The following ARL14EPL variants were observed in gnomAD, a reference collection of about 807,000 sequenced individuals.
The protein encoded by ARL14EPL is ARL14 effector protein-like.
ARL14EPL carries 17 observed loss-of-function variants against 15.9 expected under a neutral mutation model. The observed-to-expected ratio is 1.07, with a 90% confidence interval of 0.73 to 1.60. ARL14EPL has a LOEUF of 1.60. ARL14EPL is among the 40% of genes most tolerant of loss of function. The pLI is 0.00. For missense variants in ARL14EPL, 214 were observed against 185.9 expected, an observed-to-expected ratio of 1.15 and a Z score of -0.88; for synonymous variants, 78 against 63.8, an observed-to-expected ratio of 1.22 and a Z score of -1.06.
At chr5:116,037,483 C>G (rs77471947) in intron 1 of ARL14EPL, among the ~76,000 whole-genome samples, 1 of 152,106 alleles carries the variant, frequency 6.6e-6, no homozygotes, top group Non-Finnish European at 1.5e-5. Flanking sequence ...CTAGTGGAGA[C>G]GAAGATTCTG....
intron 1 of ARL14EPL, among the ~76,000 whole-genome samples, chr5:116,043,559 G>A (rs1357044953): frequency 6.6e-6 from 1 of 152,044 alleles, no homozygotes; most frequent in Non-Finnish European, 1.5e-5. Flanking sequence ...AAGTTCTCCT[G>A]AAGTTTTATT....
chr5:116,051,700 A>T (rs1359873445), intron 2 of ARL14EPL, 139 bp downstream of exon 2: 1 of 778,028 alleles, frequency 1.3e-6, no homozygotes. Context: ...AGGCTGATAG[A>T]GCTTTCCCTC....
At chr5:116,042,063 G>T (rs1749170567) in intron 1 of ARL14EPL, among the ~76,000 whole-genome samples, 1 of 152,012 alleles carries the variant, frequency 6.6e-6, no homozygotes, top group Non-Finnish European at 1.5e-5. Flanking sequence ...ATGTCTGGGT[G>T]CAGGCAATCC....
In ARL14EPL at chr5:116,058,923, G is replaced by T. The variant is rs370426377; in HGVS notation, c.435G>T (p.Thr145=). The part of the protein sequence containing the change: ...IVTESGEVIS[T]LPFNVPD Reference sequence around the variant, plus strand: ...CTGAGTCAGGAGAGGTCATCAGCACGCTGCCGTTTAATGTTCCTGACTAGG... The same window carrying T: ...CTGAGTCAGGAGAGGTCATCAGCACTCTGCCGTTTAATGTTCCTGACTAGG... Residue 145 remains threonine (T), a synonymous_variant, in exon 4 of 4, where the codon ACG becomes ACT. Coordinates refer to ENST00000686077, the MANE Select transcript of ARL14EPL (RefSeq NM_001195581.2). 2.0e-6 allele frequency: 3 copies of T among 1,536,014 alleles called. No individual in the cohort carries two copies. In the East Asian group the frequency reaches 7.3e-5, roughly 38 times the overall value.
At chr5:116,048,503 C>T (rs1391264189) in intron 1 of ARL14EPL, among the ~76,000 whole-genome samples, 3 of 151,904 alleles carry the variant, frequency 2.0e-5, no homozygotes, top group Non-Finnish European at 4.4e-5. Context: ...TAAAATAAAA[C>T]CTGTAAGCTG....
At chr5:116,049,563 G>A (rs1749331992) in intron 1 of ARL14EPL, among the ~76,000 whole-genome samples, 1 of 152,180 alleles carries the variant, frequency 6.6e-6, no homozygotes, top group Non-Finnish European at 1.5e-5. Context: ...ATGATACTGA[G>A]GTTTGGATTA....
intron 1 of ARL14EPL, among the ~76,000 whole-genome samples, chr5:116,032,964 AT>A (rs570990503): frequency 2.6e-5 from 4 of 151,834 alleles, no homozygotes; most frequent in African/African-American, 9.7e-5. Flanking sequence ...TGCCTGGACA[AT>A]TTTTTGTATT....
At chr5:116,052,618 A>G (rs546640565) in intron 2 of ARL14EPL, among the ~76,000 whole-genome samples, 1 of 152,348 alleles carries the variant, frequency 6.6e-6, no homozygotes, top group South Asian at 2.1e-4. Context: ...ATCGCTTCGT[A>G]CTAAGTTGTA....
intron 3 of ARL14EPL, 96 bp downstream of exon 3, chr5:116,054,249 A>G: frequency 7.8e-7 from 1 of 1,280,976 alleles, no homozygotes; most frequent in Non-Finnish European, 1.0e-6. Context: ...TTTATTATTT[A>G]TTATTTAAAA....
chr5:116,034,098 A>T (rs1749006793), intron 1 of ARL14EPL, among the ~76,000 whole-genome samples: 3 of 152,198 alleles, frequency 2.0e-5, no homozygotes, highest in Admixed American at 2.0e-4. Flanking sequence ...ACATCAGAGG[A>T]TTAAAGGGGC....
Position 116,058,854 on chromosome 5 carries a change from C to G in ARL14EPL, c.366C>G (p.Pro122=). The stretch of plus-strand genomic sequence containing the variant: ...AGTGTAACTCCAACAAGTGTGGGCC[C>G]GAGTGCCGCTGCAACCGACGGTGGG... ...CPKCNSNKCG[P]ECRCNRRWVY... Residue 122 remains proline (P), a synonymous_variant, in exon 4 of 4, where the codon CCC becomes CCG. Transcript: ENST00000686077. The G allele has an allele frequency of 6.5e-7, 1 of 1,536,018 alleles. No homozygotes were observed. Among genetic ancestry groups the G allele is most frequent in the South Asian group, 1.2e-5 (1 of 84,046 alleles).
At chr5:116,042,755 T>C (rs1311971984) in intron 1 of ARL14EPL, among the ~76,000 whole-genome samples, 1 of 152,184 alleles carries the variant, frequency 6.6e-6, no homozygotes, top group Non-Finnish European at 1.5e-5. Context: ...CCAGCAACTT[T>C]TTAATTATTT....
chr5:116,044,974 T>C (rs886588536), intron 1 of ARL14EPL, among the ~76,000 whole-genome samples: 2 of 152,126 alleles, frequency 1.3e-5, no homozygotes, highest in African/African-American at 4.8e-5. Context: ...ACCACCCTAC[T>C]AGTTCGTCTT....
Position 116,058,740 on chromosome 5 carries a change from T to G in ARL14EPL, c.252T>G (p.Tyr84Ter). 6 of 1,535,132 alleles carry G rather than the reference T, an allele frequency of 3.9e-6. No individual in the cohort carries two copies. Among genetic ancestry groups the G allele is most frequent in the Admixed American group, 2.0e-5 (1 of 50,998 alleles). Residue 84 changes from tyrosine to a stop codon, truncating the protein, a stop_gained, in exon 4 of 4, where the codon TAT (tyrosine) becomes TAG (stop). Coordinates refer to ENST00000686077, the MANE Select transcript of ARL14EPL (RefSeq NM_001195581.2). LOFTEE classifies it high-confidence loss of function. Reference protein sequence around the residue: ...FSTKYKIMRKYDKSGRLICND... With the variant: ...FSTKYKIMRK ...TCCTTTGTAGAATAATGAGGAAGTA[T>G]GACAAAAGTGGCAGGCTCATCTGTA... is the stretch of plus-strand genomic sequence containing the variant.
intron 1 of ARL14EPL, among the ~76,000 whole-genome samples, chr5:116,047,770 A>C (rs1453715899): frequency 1.4e-5 from 1 of 74,064 alleles, no homozygotes; most frequent in East Asian, 3.0e-4. Flanking sequence ...CAGTTTCTAC[A>C]CAGATAGGGT....
At position 116,042,615 on chromosome 5, in the gene ARL14EPL, A is replaced by G. The variant is rs138057400; in HGVS notation, c.-9-8842A>G. ...GGGCTATTCTTCTTGGAGCCTTTCAATTGGAGGATTGGAGCAGCCCAGTGA... is the reference window on the plus strand; with the variant it reads ...GGGCTATTCTTCTTGGAGCCTTTCAGTTGGAGGATTGGAGCAGCCCAGTGA... On this transcript the variant is annotated intron_variant, in intron 1 of 3. Transcript: ENST00000686077. Among the ~76,000 whole-genome samples the G allele has an allele frequency of 2.5e-3, 379 of 152,336 alleles. 1 individual carries two copies. The highest frequency in any genetic ancestry group is 8.7e-3 in the African/African-American group (360 of 41,574).
chr5:116,036,193 G>C (rs1353887279), intron 1 of ARL14EPL, among the ~76,000 whole-genome samples: 1 of 152,236 alleles, frequency 6.6e-6, no homozygotes, highest in Non-Finnish European at 1.5e-5. Context: ...GCAGAAGCTA[G>C]AATTTGAGAC....
At chr5:116,047,477 T>G (rs1163298115) in intron 1 of ARL14EPL, among the ~76,000 whole-genome samples, 2 of 152,232 alleles carry the variant, frequency 1.3e-5, no homozygotes, top group Non-Finnish European at 2.9e-5. Context: ...AAATGACTCT[T>G]TCTGAGCCTT....
At chr5:116,051,664 C>A in intron 2 of ARL14EPL, 103 bp downstream of exon 2, 1 of 994,928 alleles carries the variant, frequency 1.0e-6, no homozygotes, top group African/African-American at 1.6e-5. Flanking sequence ...CCAGGCAGGA[C>A]CTCACAGGGA....
Sources: allele counts gnomAD v4.1 joint callset (sites outside exome capture counted in the v4.1 genomes callset), GRCh38; gene constraint gnomAD v4.1.1; transcripts MANE v1.5; gene names NCBI Gene and HGNC (gene_info 2026-07-23, HGNC 2026-07-21).